Variants in MSH3 observed in about 807,000 individuals in gnomAD.
The protein encoded by MSH3 is DNA mismatch repair protein Msh3.
Under a neutral mutation model 123.3 loss-of-function variants are expected in MSH3, and 106 were observed. That is an observed-to-expected ratio of 0.86 (90% CI 0.73 to 1.01). MSH3 has a LOEUF of 1.01. MSH3 is among the 50% of genes least tolerant of loss of function. The pLI is 0.00. For synonymous variants in MSH3, 515 were observed against 481.4 expected, an observed-to-expected ratio of 1.07 and a Z score of -0.91; for missense variants, 1,459 against 1,347.6, an observed-to-expected ratio of 1.08 and a Z score of -1.29.
intron 18 of MSH3, among the ~76,000 whole-genome samples, chr5:80,788,548 T>C (rs1447488496): frequency 1.3e-5 from 2 of 151,274 alleles, no homozygotes; most frequent in Non-Finnish European, 3.0e-5. Context: ...TGGTGGCTCA[T>C]GCCTGTAATC....
intron 19 of MSH3, among the ~76,000 whole-genome samples, chr5:80,808,916 A>G (rs1275611097): frequency 8.5e-6 from 1 of 117,886 alleles, no homozygotes; most frequent in Non-Finnish European, 1.9e-5. Context: ...CAATATTTCT[A>G]TTCATGTAAA....
chr5:80,710,472 TTCTC>T (rs749473254), intron 8 of MSH3, among the ~76,000 whole-genome samples: 26 of 152,364 alleles, frequency 1.7e-4, no homozygotes, highest in African/African-American at 5.0e-4. Flanking sequence ...CAGTCTGAAT[TTCTC>T]TCTGGTGGTA....
intron 12 of MSH3, among the ~76,000 whole-genome samples, chr5:80,752,144 A>G (rs1396378954): frequency 6.6e-6 from 1 of 151,960 alleles, no homozygotes; most frequent in African/African-American, 2.4e-5. Flanking sequence ...ATTTATATAT[A>G]TATTTAAAAA....
chr5:80,699,895 C>T (rs530830168), intron 8 of MSH3, among the ~76,000 whole-genome samples: 157 of 152,276 alleles, frequency 1.0e-3, no homozygotes, highest in African/African-American at 3.7e-3. Flanking sequence ...TCCCCTCTGG[C>T]GCTTGAAACC....
At chr5:80,670,966 T>A (rs3776964) in intron 4 of MSH3, among the ~76,000 whole-genome samples, 113,298 of 151,764 alleles carry the variant, frequency 0.75, 42,771 homozygotes, top group African/African-American at 0.88. Context: ...CTAAAAATAT[T>A]AAAAAAATTA....
intron 8 of MSH3, among the ~76,000 whole-genome samples, chr5:80,698,280 A>G (rs990019124): frequency 2.6e-5 from 4 of 152,190 alleles, no homozygotes; most frequent in African/African-American, 9.6e-5. Flanking sequence ...ATTATTATAC[A>G]GTCATTCATT....
chr5:80,723,094 AAAATAAATAAATAAAT>A (rs57338891), intron 8 of MSH3, among the ~76,000 whole-genome samples: 5 of 144,428 alleles, frequency 3.5e-5, no homozygotes, highest in African/African-American at 5.1e-5. Context: ...ACTCTGTCTA[AAAATAAATAAATAAAT>A]AAATAAATAA....
At chr5:80,708,790 T>C (rs377372214) in intron 8 of MSH3, among the ~76,000 whole-genome samples, 1 of 87,900 alleles carries the variant, frequency 1.1e-5, no homozygotes, top group East Asian at 2.0e-4. Flanking sequence ...TTCTTTTTTC[T>C]TTTTTTGAGA....
intron 19 of MSH3, among the ~76,000 whole-genome samples, chr5:80,798,853 A>C (rs553933118): frequency 6.6e-6 from 1 of 152,016 alleles, no homozygotes; most frequent in Non-Finnish European, 1.5e-5. Flanking sequence ...TTGGACTCAC[A>C]CTGTTCCTGC....
intron 20 of MSH3, among the ~76,000 whole-genome samples, chr5:80,845,210 AG>A (rs1745699347): frequency 6.6e-6 from 1 of 152,168 alleles, no homozygotes; most frequent in African/African-American, 2.4e-5. Context: ...CTTTTCTTTA[AG>A]AGTGTTGAAT....
chr5:80,814,227 A>G (rs1270428131), intron 20 of MSH3, among the ~76,000 whole-genome samples: 6 of 151,936 alleles, frequency 3.9e-5, no homozygotes, highest in Non-Finnish European at 8.8e-5. Context: ...ATTTTGTCCA[A>G]TAGCTTCCAA....
rs1406056254 is a variant in MSH3, at chr5:80,761,596, C to G, written c.1814C>G (p.Ser605Cys). Reference sequence around the variant, plus strand: ...GTATCGGAAGTTCTCCATTCAGAATCTAGTGTGTTTGGTCAGATAGAAAAT... The same window carrying G: ...GTATCGGAAGTTCTCCATTCAGAATGTAGTGTGTTTGGTCAGATAGAAAAT... ...DAVSEVLHSESSVFGQIENHL... is the reference protein window; with the variant it reads ...DAVSEVLHSECSVFGQIENHL... Residue 605 changes from serine to cysteine, a missense_variant, in exon 13 of 24, where the codon TCT becomes TGT. Physicochemically the swap from Ser to Cys is moderately radical, Grantham distance 112 (BLOSUM62 -1). Coordinates refer to ENST00000265081, the MANE Select transcript of MSH3 (RefSeq NM_002439.5). 6.2e-7 allele frequency: 1 copy of G among 1,614,030 alleles called. No individual in the cohort carries two copies. Among genetic ancestry groups the G allele is most frequent in the Non-Finnish European group, 8.5e-7 (1 of 1,179,958 alleles).
At chr5:80,795,513 G>A (rs1744680949) in intron 19 of MSH3, among the ~76,000 whole-genome samples, 1 of 152,102 alleles carries the variant, frequency 6.6e-6, no homozygotes, top group South Asian at 2.1e-4. Context: ...TTCACACAGT[G>A]GAAGGGATAA....
In MSH3 at chr5:80,672,314, A is replaced by G. The variant is rs2112813827; in HGVS notation, c.863A>G (p.His288Arg). 6.2e-6 allele frequency: 10 copies of G among 1,614,078 alleles called. No individual in the cohort carries two copies. Among genetic ancestry groups the G allele is most frequent in the Non-Finnish European group, 8.5e-6 (10 of 1,179,968 alleles). The part of the protein sequence containing the change: ...HNFMTASIPT[H>R]RLFVHVRRLV... ...TTTATGACAGCAAGTATACCTACTC[A>G]CAGACTGTTTGTTCATGTACGCCGC... Residue 288 changes from histidine to arginine, a missense_variant, in exon 5 of 24, where the codon CAC (histidine) becomes CGC (arginine). By Grantham distance (29) the His-to-Arg change is conservative. Transcript: ENST00000265081.
At chr5:80,765,751 A>C (rs1744111011) in intron 13 of MSH3, among the ~76,000 whole-genome samples, 1 of 152,074 alleles carries the variant, frequency 6.6e-6, no homozygotes, top group Non-Finnish European at 1.5e-5. Context: ...CCTTGAGTTG[A>C]ATCTTTTATT....
chr5:80,876,055 G>T lies in MSH3; in HGVS notation c.*193G>T, dbSNP rs913755734. 4.2e-5 allele frequency: 25 copies of T among 589,076 alleles called. No individual in the cohort carries two copies. The highest frequency in any genetic ancestry group is 2.4e-4 in the Admixed American group (8 of 33,792). 36.5% of individuals were successfully genotyped at this position (589,076 alleles called of 1,614,324 possible). On this transcript the variant is annotated 3_prime_UTR_variant, in exon 24 of 24. Coordinates refer to ENST00000265081, the MANE Select transcript of MSH3 (RefSeq NM_002439.5). ...GTTTCTGTCTTCCTAACTTTTCTAC[G>T]TATAAACACTCTTGAATAGACTTCC...
At chr5:80,719,993 A>G (rs971089743) in intron 8 of MSH3, among the ~76,000 whole-genome samples, 3 of 152,110 alleles carry the variant, frequency 2.0e-5, no homozygotes, top group Admixed American at 1.3e-4. Flanking sequence ...ACAAGTCCCC[A>G]GGTGGTGGTG....
chr5:80,813,836 C>T (rs1745053069), intron 20 of MSH3, 95 bp downstream of exon 20: 1 of 1,315,836 alleles, frequency 7.6e-7, no homozygotes, highest in African/African-American at 1.4e-5. Flanking sequence ...TTTAGATGCT[C>T]TTAAAGCACT....
At position 80,778,758 on chromosome 5, in the gene MSH3, T is replaced by C. The variant is rs747229778; in HGVS notation, c.2357T>C (p.Val786Ala). ...AVSRFHSPFI[V>A]ENYRHLNQLR... ...AGCCGCTTTCACTCTCCTTTTATTG[T>C]AGAAAATTACAGACATCTGAATCAG... The change falls in exon 17 of 24, where the codon GTA becomes GCA. Residue 786 changes from valine (V) to alanine (A), a missense_variant. Physicochemically the swap from Val to Ala is moderately conservative, Grantham distance 64. Transcript: ENST00000265081. The C allele has an allele frequency of 6.8e-6, 11 of 1,613,024 alleles. 1 individual carries two copies. The East Asian group carries it at 2.5e-4, about 36-fold the overall frequency.
Sources: gnomAD v4.1 joint callset for allele counts (sites outside exome capture counted in the v4.1 genomes callset) on GRCh38, gnomAD v4.1.1 for gene constraint, MANE v1.5 for transcripts, NCBI Gene and HGNC (gene_info 2026-07-23, HGNC 2026-07-21) for gene names.